The following ADAMTSL1 variants were observed in gnomAD, a reference collection of about 807,000 sequenced individuals.
ADAMTSL1 encodes the protein ADAMTS like 1.
In ADAMTSL1, 126 loss-of-function variants were observed where a neutral mutation model predicts 201.8. That is an observed-to-expected ratio of 0.62 (90% CI 0.54 to 0.72). ADAMTSL1 has a LOEUF of 0.72. Ranked by LOEUF, ADAMTSL1 falls within the 30% of genes least tolerant of loss-of-function variation. The pLI, the probability that ADAMTSL1 is intolerant of heterozygous loss-of-function variation, is 0.00. For missense variants in ADAMTSL1, 2,679 were observed against 2,277.8 expected, an observed-to-expected ratio of 1.18 and a Z score of -3.59; for synonymous variants, 1,121 against 903.4, an observed-to-expected ratio of 1.24 and a Z score of -4.32.
At chr9:18,537,640 G>A (rs1264151272) in intron 3 of ADAMTSL1, among the ~76,000 whole-genome samples, 1 of 152,064 alleles carries the variant, frequency 6.6e-6, no homozygotes, top group East Asian at 1.9e-4. Flanking sequence ...GGGTGGAGGG[G>A]TGAGGCAGAA....
intron 7 of ADAMTSL1, among the ~76,000 whole-genome samples, chr9:18,645,313 T>G (rs1184146984): frequency 1.3e-5 from 2 of 152,184 alleles, no homozygotes; most frequent in East Asian, 1.9e-4. Flanking sequence ...AGTAGATTGT[T>G]AAAATTTTCT....
intron 2 of ADAMTSL1, among the ~76,000 whole-genome samples, chr9:18,246,235 A>G (rs1831255152): frequency 6.6e-6 from 1 of 152,152 alleles, no homozygotes; most frequent in African/African-American, 2.4e-5. Flanking sequence ...TTGCATTTAG[A>G]AGAATAATTG....
intron 2 of ADAMTSL1, among the ~76,000 whole-genome samples, chr9:18,248,952 A>C (rs1256975606): frequency 4.6e-5 from 7 of 152,182 alleles, no homozygotes; most frequent in Non-Finnish European, 8.8e-5. Flanking sequence ...TGAATGTAGC[A>C]CCGTTCTGTA....
intron 2 of ADAMTSL1, among the ~76,000 whole-genome samples, chr9:18,401,576 T>A (rs113444084): frequency 2.0e-5 from 3 of 152,284 alleles, no homozygotes; most frequent in African/African-American, 7.2e-5. Context: ...AGTAGGAAAG[T>A]GAGTTAAGGA....
chr9:18,154,755 A>G (rs953960184), intron 1 of ADAMTSL1, among the ~76,000 whole-genome samples: 4 of 152,118 alleles, frequency 2.6e-5, no homozygotes, highest in Admixed American at 6.6e-5. Context: ...CATTTGTGTG[A>G]AGTACATCAA....
intron 1 of ADAMTSL1, among the ~76,000 whole-genome samples, chr9:17,987,701 T>C (rs753359181): frequency 2.6e-5 from 4 of 152,082 alleles, no homozygotes; most frequent in Non-Finnish European, 4.4e-5. Flanking sequence ...GCAAGCAGTG[T>C]GCTCTCAAAT....
chr9:18,267,075 C>T (rs1358782306), intron 2 of ADAMTSL1, among the ~76,000 whole-genome samples: 1 of 152,080 alleles, frequency 6.6e-6, no homozygotes, highest in East Asian at 1.9e-4. Context: ...CTTCTCTGTG[C>T]TTTGCAAAAA....
chr9:18,487,644 C>T (rs1822063895), intron 1 of ADAMTSL1, among the ~76,000 whole-genome samples: 1 of 152,128 alleles, frequency 6.6e-6, no homozygotes. Flanking sequence ...GATCACAACC[C>T]ATTTTACCGG....
chr9:18,573,940 A>G, intron 3 of ADAMTSL1, 90 bp from the exon 4 acceptor site: 11 of 980,378 alleles, frequency 1.1e-5, no homozygotes, highest in Non-Finnish European at 1.7e-5. Context: ...TTTGCTTTCT[A>G]AGACCTAAGC....
chr9:17,947,149 GT>G (rs1827522561), intron 1 of ADAMTSL1, among the ~76,000 whole-genome samples: 1 of 150,778 alleles, frequency 6.6e-6, no homozygotes, highest in African/African-American at 2.4e-5. Context: ...TATATTTATA[GT>G]TAACTATATA....
chr9:18,498,969 A>T (rs1376647534), intron 1 of ADAMTSL1, among the ~76,000 whole-genome samples: 1 of 152,278 alleles, frequency 6.6e-6, no homozygotes, highest in East Asian at 1.9e-4. Flanking sequence ...CCTTAACAGG[A>T]ATGCGCAAAA....
chr9:18,791,493 TATG>T (rs1822049336), intron 19 of ADAMTSL1, among the ~76,000 whole-genome samples: 1 of 152,040 alleles, frequency 6.6e-6, no homozygotes, highest in Non-Finnish European at 1.5e-5. Context: ...AGTTGAGTCT[TATG>T]GTGGTCCCAA....
chr9:18,677,529 TA>T, intron 10 of ADAMTSL1, among the ~76,000 whole-genome samples: 1 of 152,084 alleles, frequency 6.6e-6, no homozygotes, highest in African/African-American at 2.4e-5. Flanking sequence ...AAGATAAAGG[TA>T]AAGTTGGACC....
At chr9:18,047,422 G>A (rs1483063552) in intron 1 of ADAMTSL1, among the ~76,000 whole-genome samples, 1 of 152,150 alleles carries the variant, frequency 6.6e-6, no homozygotes, top group Admixed American at 6.5e-5. Flanking sequence ...CACAGGACAA[G>A]CCTCTATAAC....
chr9:18,887,907 A>G lies in ADAMTSL1; in HGVS notation c.4326A>G (p.Gly1442=), dbSNP rs757995971. ...HGGQPIVTAT[G]LTHHILAAGQ... ...GTCAGCCAATTGTCACTGCCACAGG[A>G]CTGACGCATCACATCTTGGCAGCTG... Residue 1442 remains glycine, a synonymous_variant, in exon 24 of 29, where the codon GGA becomes GGG. Coordinates refer to ENST00000380548, the MANE Select transcript of ADAMTSL1 (RefSeq NM_001040272.6). The G allele has an allele frequency of 6.2e-7, 1 of 1,613,862 alleles. No homozygotes were observed. The highest frequency in any genetic ancestry group is 2.2e-5 in the East Asian group (1 of 44,892).
rs746140786 is a variant in ADAMTSL1, at chr9:18,775,707, G to T, written c.2398-36G>T. ...TTAAAAAATTAGCTTCTAGTTCCCA[G>T]AATTTATGTGCATTTGGCCTTTCTT... On this transcript the variant is annotated intron_variant, in intron 17 of 28. Transcript: ENST00000380548. 9 of 1,604,696 alleles carry T rather than the reference G, an allele frequency of 5.6e-6. No individual in the cohort carries two copies. The East Asian group carries it at 1.1e-4, about 20-fold the overall frequency.
intron 25 of ADAMTSL1, among the ~76,000 whole-genome samples, chr9:18,891,329 T>C (rs1425965653): frequency 6.6e-6 from 1 of 152,160 alleles, no homozygotes; most frequent in Non-Finnish European, 1.5e-5. Context: ...GGTAGCTGTT[T>C]TTTAACCGTT....
chr9:18,868,534 C>G (rs1292650193), intron 23 of ADAMTSL1, among the ~76,000 whole-genome samples: 4 of 152,186 alleles, frequency 2.6e-5, no homozygotes, highest in African/African-American at 9.7e-5. Flanking sequence ...TAAGGCCTTT[C>G]TGGGGTCTCT....
chr9:17,949,266 A>G (rs749587728), intron 1 of ADAMTSL1, among the ~76,000 whole-genome samples: 4 of 152,174 alleles, frequency 2.6e-5, no homozygotes, highest in Non-Finnish European at 5.9e-5. Context: ...GAAGTGAGGG[A>G]GGTAGTCTCC....
Sources: allele counts gnomAD v4.1 joint callset (sites outside exome capture counted in the v4.1 genomes callset), GRCh38; gene constraint gnomAD v4.1.1; transcripts MANE v1.5; gene names NCBI Gene and HGNC (gene_info 2026-07-23, HGNC 2026-07-21).